Variants in AGPS observed in about 807,000 individuals in gnomAD.
AGPS encodes alkyldihydroxyacetonephosphate synthase, peroxisomal.
Under a neutral mutation model 90.7 loss-of-function variants are expected in AGPS, and 26 were observed. The observed-to-expected ratio is 0.29, with a 90% CI of 0.21 to 0.40. The LOEUF is 0.40. Among genes scored for constraint, AGPS ranks in the 10% least tolerant of loss-of-function variants. AGPS has a pLI of 1.00. For missense variants in AGPS, 540 were observed against 816.1 expected (o/e 0.66, Z 4.12); for synonymous variants, 294 against 285.3 (o/e 1.03, Z -0.31).
chr2:177,428,689 G>A (rs1209354462), intron 2 of AGPS, among the ~76,000 whole-genome samples: 1 of 152,192 alleles, frequency 6.6e-6, no homozygotes, highest in Non-Finnish European at 1.5e-5. Flanking sequence ...GAGGTCTGCT[G>A]TTAGTCTGAT....
At chr2:177,491,760 T>TTCCCCC (rs1688266881) in intron 11 of AGPS, among the ~76,000 whole-genome samples, 1 of 46,490 alleles carries the variant, frequency 2.2e-5, no homozygotes, top group African/African-American at 9.0e-5. Flanking sequence ...ATACTTTCCT[T>TTCCCCC]CCCCCCCCCC....
rs115826285 is a variant in AGPS, at chr2:177,496,541, G to A, written c.1286-1148G>A. On this transcript the variant is annotated intron_variant, in intron 12 of 19. Transcript: ENST00000264167. ...TACTTGTGATCCAGGAGCTCAAAAA[G>A]ATTGCTAGGTTGATCTCTATCTAAC... Among the ~76,000 whole-genome samples, 571 of 152,210 alleles carry A rather than the reference G, an allele frequency of 3.8e-3. 3 individuals carry two copies. The highest frequency in any genetic ancestry group is 0.013 in the African/African-American group (541 of 41,558).
At chr2:177,533,069 A>G (rs563314184) in intron 19 of AGPS, among the ~76,000 whole-genome samples, 8 of 152,332 alleles carry the variant, frequency 5.3e-5, no homozygotes, top group African/African-American at 1.9e-4. Context: ...TTCCTTTGAT[A>G]GCTACCAGAT....
In AGPS at chr2:177,538,060, T is replaced by C; in HGVS notation, c.1856-14T>C. The C allele has an allele frequency of 6.2e-7, 1 of 1,612,816 alleles. No homozygotes were observed. The highest frequency in any genetic ancestry group is 8.5e-7 in the Non-Finnish European group (1 of 1,179,054). On this transcript the variant is annotated splice_polypyrimidine_tract_variant and intron_variant, in intron 19 of 19. Transcript: ENST00000264167. ...ATAGCATATATTGAAGCATTTTTGATTTTGTTTTTCCAGTGGGCAAGTTAC... is the reference window on the plus strand; with the variant it reads ...ATAGCATATATTGAAGCATTTTTGACTTTGTTTTTCCAGTGGGCAAGTTAC...
At chr2:177,520,721 G>A (rs1186166544) in intron 17 of AGPS, among the ~76,000 whole-genome samples, 1 of 152,136 alleles carries the variant, frequency 6.6e-6, no homozygotes, top group Non-Finnish European at 1.5e-5. Flanking sequence ...AGCAGAAAGA[G>A]AAAAAGTTAG....
chr2:177,419,718 G>A (rs572990210), intron 1 of AGPS, among the ~76,000 whole-genome samples: 2 of 151,922 alleles, frequency 1.3e-5, no homozygotes, highest in Non-Finnish European at 3.0e-5. Flanking sequence ...CAATATGTAG[G>A]TCAAGGTAGA....
chr2:177,490,846 CT>C lies in AGPS; in HGVS notation c.1234-2277del, dbSNP rs61555724. On this transcript the variant is annotated intron_variant, in intron 11 of 19. Transcript: ENST00000264167. ...GGACCATTTGAAATTAAGTTGCAGA[CT>C]TTTTTTTTTTTTTTTTTTTTTTTTA... Among the ~76,000 whole-genome samples, 98 of 58,196 alleles carry C rather than the reference CT, an allele frequency of 1.7e-3. 2 individuals are homozygous for C. The South Asian group carries it at 0.037, about 22-fold the overall frequency. 38.2% of individuals were successfully genotyped at this position (58,196 alleles called of 152,430 possible). A position where few individuals can be genotyped will look rare whatever the true frequency, so the allele number is the denominator to read the frequency against.
chr2:177,433,910 G>A lies in AGPS; in HGVS notation c.351-417G>A, dbSNP rs996185341. ...TACTTGCTTCTTTCTGTGATTTCTC[G>A]GTATGCTTTCCAGATGCAGCATTCA... On this transcript the variant is annotated intron_variant, in intron 2 of 19. Coordinates refer to ENST00000264167, the MANE Select transcript of AGPS (RefSeq NM_003659.4). 3.3e-5 allele frequency among the ~76,000 whole-genome samples: 5 copies of A among 151,800 alleles called. No homozygotes were observed. The East Asian group carries it at 9.6e-4, about 29-fold the overall frequency.
At chr2:177,457,237 G>A (rs1403360717) in intron 8 of AGPS, among the ~76,000 whole-genome samples, 1 of 152,178 alleles carries the variant, frequency 6.6e-6, no homozygotes, top group African/African-American at 2.4e-5. Flanking sequence ...ACAAGAGAAA[G>A]CAGTGAGGAT....
At chr2:177,494,892 A>T (rs959547549) in intron 12 of AGPS, among the ~76,000 whole-genome samples, 6 of 152,142 alleles carry the variant, frequency 3.9e-5, no homozygotes, top group Admixed American at 3.9e-4. Flanking sequence ...CCATGGCTTC[A>T]TGATCAAGCA....
intron 6 of AGPS, 137 bp from the exon 7 acceptor site, chr2:177,442,270 T>C: frequency 2.9e-6 from 2 of 695,738 alleles, no homozygotes; most frequent in Non-Finnish European, 5.1e-6. Context: ...CATTTGCAAG[T>C]TGTATTTTGC....
At chr2:177,429,602 G>C (rs191261034) in intron 2 of AGPS, among the ~76,000 whole-genome samples, 94 of 152,242 alleles carry the variant, frequency 6.2e-4, no homozygotes, top group African/African-American at 2.2e-3. Context: ...GGGATTGCTC[G>C]TGACCCTATT....
Position 177,508,011 on chromosome 2 carries a change from G to A in AGPS, c.1587G>A (p.Glu529=), listed in dbSNP as rs1213331072. 6.2e-7 allele frequency: 1 copy of A among 1,612,658 alleles called. No homozygotes were observed. Among genetic ancestry groups the A allele is most frequent in the Non-Finnish European group, 8.5e-7 (1 of 1,178,898 alleles). The change falls in exon 16 of 20, where the codon GAG becomes GAA. Residue 529 remains glutamate (E), a synonymous_variant. Transcript: ENST00000264167. ...ACTATGTATTAGGAGAATCTTTTGAGACTTCTGCTCCTTGGGACAGGTAAA... is the reference window on the plus strand; with the variant it reads ...ACTATGTATTAGGAGAATCTTTTGAAACTTCTGCTCCTTGGGACAGGTAAA... The part of the protein sequence containing the change: ...LEYYVLGESF[E]TSAPWDRVVD...
At chr2:177,534,714 G>A (rs1574039708) in intron 19 of AGPS, among the ~76,000 whole-genome samples, 1 of 151,552 alleles carries the variant, frequency 6.6e-6, no homozygotes, top group East Asian at 1.9e-4. Flanking sequence ...AATCTCCTGA[G>A]TAGCTGAGAC....
chr2:177,518,151 T>C (rs1008943010), intron 17 of AGPS, among the ~76,000 whole-genome samples: 2 of 152,150 alleles, frequency 1.3e-5, no homozygotes, highest in Admixed American at 6.6e-5. Context: ...AAATATCTTA[T>C]GGCTGGGCAC....
At position 177,461,972 on chromosome 2, in the gene AGPS, G is replaced by A. The variant is rs756732115; in HGVS notation, c.950G>A (p.Arg317His). The A allele has an allele frequency of 1.1e-5, 18 of 1,612,416 alleles. No individual in the cohort carries two copies. Among genetic ancestry groups the A allele is most frequent in the South Asian group, 3.3e-5 (3 of 91,052 alleles). Residue 317 changes from arginine (R) to histidine (H), a missense_variant, in exon 9 of 20, where the codon CGC becomes CAC. By Grantham distance (29) the Arg-to-His change is conservative. Transcript: ENST00000264167. ...ACTGTAGGAGGATGGGTATCTACTC[G>A]CGCATCAGGCATGAAGAAGAATATC... ...FSTVGGWVST[R>H]ASGMKKNIYG...
chr2:177,508,714 T>TA (rs913163964), intron 16 of AGPS, among the ~76,000 whole-genome samples: 1 of 152,012 alleles, frequency 6.6e-6, no homozygotes, highest in Non-Finnish European at 1.5e-5. Flanking sequence ...CATCCAGTAA[T>TA]AAAAAAAATC....
chr2:177,488,790 G>A (rs895069835), intron 11 of AGPS, among the ~76,000 whole-genome samples: 11 of 152,094 alleles, frequency 7.2e-5, no homozygotes, highest in African/African-American at 2.7e-4. Flanking sequence ...TACCCTTTGA[G>A]GAAACAAATG....
chr2:177,394,408 T>G (rs1239720179), intron 1 of AGPS, among the ~76,000 whole-genome samples: 1 of 152,222 alleles, frequency 6.6e-6, no homozygotes, highest in Non-Finnish European at 1.5e-5. Flanking sequence ...AAATTGTTCT[T>G]GGCATACAAA....
Sources: gnomAD v4.1 joint callset for allele counts (sites outside exome capture counted in the v4.1 genomes callset) on GRCh38, gnomAD v4.1.1 for gene constraint, MANE v1.5 for transcripts, NCBI Gene and HGNC (gene_info 2026-07-23, HGNC 2026-07-21) for gene names.